MYO9B: variants seen among roughly 807,000 people sequenced by gnomAD.
The protein encoded by MYO9B is unconventional myosin-IXb.
Under a neutral mutation model 229.5 loss-of-function variants are expected in MYO9B, and 71 were observed. That is an observed-to-expected ratio of 0.31 (90% CI 0.26 to 0.38). MYO9B has a LOEUF of 0.38. Among genes scored for constraint, MYO9B ranks in the 10% least tolerant of loss-of-function variants. MYO9B has a pLI of 1.00. For synonymous variants in MYO9B, 1,185 were observed against 1,235.8 expected (o/e 0.96, Z 0.86); for missense variants, 2,255 against 2,920.5 (o/e 0.77, Z 5.25).
At chr19:17,144,986 AAAAAAG>A (rs1568272479) in intron 2 of MYO9B, among the ~76,000 whole-genome samples, 1 of 150,088 alleles carries the variant, frequency 6.7e-6, no homozygotes, top group Non-Finnish European at 1.5e-5. Flanking sequence ...AAAAAAAAAA[AAAAAAG>A]AAAAAGAAAA....
chr19:17,201,420 G>A (rs1310617998), intron 26 of MYO9B, among the ~76,000 whole-genome samples: 1 of 152,090 alleles, frequency 6.6e-6, no homozygotes, highest in African/African-American at 2.4e-5. Flanking sequence ...GGGGGCCGAT[G>A]GGGACACAGA....
intron 29 of MYO9B, 43 bp downstream of exon 29, chr19:17,202,926 T>G: frequency 6.3e-7 from 1 of 1,581,878 alleles, no homozygotes; most frequent in Non-Finnish European, 8.6e-7. Context: ...CAGGCGAACA[T>G]TGGCAGGAGC....
chr19:17,210,582 G>T (rs1354309284), intron 37 of MYO9B, 133 bp from the exon 38 acceptor site: 5 of 1,292,288 alleles, frequency 3.9e-6, no homozygotes, highest in Non-Finnish European at 5.2e-6. Context: ...TGTCCCATGG[G>T]ATTCCTAGAG....
chr19:17,100,374 G>A lies in MYO9B; in HGVS notation c.-58-1286G>A, dbSNP rs930282604. ...TATAGTCCCAGCTACTCAGGAGGCT[G>A]AGGCAGAAGAATTGCTTGAACCCAG... is the stretch of plus-strand genomic sequence containing the variant. On this transcript the variant is annotated intron_variant, in intron 1 of 39. Coordinates refer to ENST00000682292, the MANE Select transcript of MYO9B (RefSeq NM_004145.4). 2.0e-5 allele frequency among the ~76,000 whole-genome samples: 3 copies of A among 152,254 alleles called. No individual in the cohort carries two copies. The East Asian group carries it at 5.8e-4, about 29-fold the overall frequency.
chr19:17,159,377 T>C lies in MYO9B; in HGVS notation c.1330-18T>C. On this transcript the variant is annotated intron_variant, in intron 7 of 39. Transcript: ENST00000682292. ...TCCATCTCCCTTTTCCTTCTCCCTCTCCTTGACCTCCAAACAGGTGAAGCG... is the reference window on the plus strand; with the variant it reads ...TCCATCTCCCTTTTCCTTCTCCCTCCCCTTGACCTCCAAACAGGTGAAGCG... 6 of 1,587,806 alleles carry C rather than the reference T, an allele frequency of 3.8e-6. No individual in the cohort carries two copies. The highest frequency in any genetic ancestry group is 5.1e-6 in the Non-Finnish European group (6 of 1,166,192).
intron 3 of MYO9B, among the ~76,000 whole-genome samples, chr19:17,147,738 T>C (rs1480954022): frequency 1.6e-5 from 2 of 123,148 alleles, no homozygotes; most frequent in Non-Finnish European, 3.2e-5. Flanking sequence ...CAGGCTGGAG[T>C]ACAATGGCGT....
At chr19:17,205,182 C>A in intron 30 of MYO9B, 81 bp from the exon 31 acceptor site, 1 of 1,134,832 alleles carries the variant, frequency 8.8e-7, no homozygotes, top group Non-Finnish European at 1.3e-6. Flanking sequence ...CAATTGGCGG[C>A]CCCCGGCCAG....
At chr19:17,211,506 C>A in intron 38 of MYO9B, 141 bp from the exon 39 acceptor site, 2 of 814,082 alleles carry the variant, frequency 2.5e-6, no homozygotes, top group African/African-American at 1.8e-5. Flanking sequence ...AACTCCTGGG[C>A]TCAAGCAATC....
intron 1 of MYO9B, among the ~76,000 whole-genome samples, chr19:17,076,527 G>A (rs2057485884): frequency 6.6e-6 from 1 of 151,962 alleles, no homozygotes; most frequent in African/African-American, 2.4e-5. Flanking sequence ...GAGAAGGAAG[G>A]GGTTAGAGTG....
In MYO9B at chr19:17,159,454, C is replaced by T. The variant is rs771418288; in HGVS notation, c.1389C>T (p.Asp463=). 2.8e-5 allele frequency: 45 copies of T among 1,610,334 alleles called. No individual in the cohort carries two copies. The highest frequency in any genetic ancestry group is 1.1e-5 in the Non-Finnish European group (13 of 1,178,382). Reference sequence around the variant, plus strand: ...AAAGAAAAACGGTGACCGTCAACGACAAGCTTATCCTTCCCTACAGCCTCA... The same window carrying T: ...AAAGAAAAACGGTGACCGTCAACGATAAGCTTATCCTTCCCTACAGCCTCA... ...LTKRKTVTVN[D]KLILPYSLSE... Residue 463 remains aspartate, a synonymous_variant, in exon 8 of 40, where the codon GAC becomes GAT. Transcript: ENST00000682292.
chr19:17,195,146 G>A lies in MYO9B; in HGVS notation c.3719G>A (p.Ser1240Asn). ...GAAGAAACTGAGAAGACGCTGCCCAGTGGGAGCCCCAGGCCTGGCCAGTTG... is the reference window on the plus strand; with the variant it reads ...GAAGAAACTGAGAAGACGCTGCCCAATGGGAGCCCCAGGCCTGGCCAGTTG... ...VSEETEKTLP[S>N]GSPRPGQLER... is the part of the protein sequence containing the mutation. Residue 1240 changes from serine to asparagine, a missense_variant, in exon 22 of 40, where the codon AGT (serine) becomes AAT (asparagine). Physicochemically the swap from Ser to Asn is conservative, Grantham distance 46. Coordinates refer to ENST00000682292, the MANE Select transcript of MYO9B (RefSeq NM_004145.4). The surrounding 1 kb of genome is among the most constrained non-coding windows in gnomAD (Gnocchi z 4.5). The A allele has an allele frequency of 6.2e-7, 1 of 1,611,544 alleles. No homozygotes were observed. The highest frequency in any genetic ancestry group is 2.2e-5 in the East Asian group (1 of 44,820).
chr19:17,108,354 A>C (rs1455434691), intron 2 of MYO9B, among the ~76,000 whole-genome samples: 1 of 127,426 alleles, frequency 7.8e-6, no homozygotes, highest in African/African-American at 3.2e-5. Context: ...GATTGTCTTC[A>C]CTGAGAGCTG....
chr19:17,195,060 G>A lies in MYO9B; in HGVS notation c.3633G>A (p.Glu1211=), dbSNP rs375033218. Residue 1211 remains glutamate, a synonymous_variant, in exon 22 of 40, where the codon GAG becomes GAA. Transcript: ENST00000682292. This position sits in a 1 kb window ranked among gnomAD's most constrained non-coding sequence, Gnocchi z 4.5. ...TTCTAGTCGTAGAGACGGAGGCTGA[G>A]AACACATCTCAAAAGCAGCCCACAG... ...ETLLVVETEA[E]NTSQKQPTEQ... 1.9e-4 allele frequency: 310 copies of A among 1,612,912 alleles called. No homozygotes were observed. Among genetic ancestry groups the A allele is most frequent in the Non-Finnish European group, 2.4e-4 (288 of 1,179,884 alleles).
chr19:17,155,615 T>C (rs559469286), intron 6 of MYO9B, among the ~76,000 whole-genome samples: 1 of 151,940 alleles, frequency 6.6e-6, no homozygotes, highest in South Asian at 2.1e-4. Flanking sequence ...CCATCAATTT[T>C]TTTTTAAATT....
At chr19:17,110,358 TG>T (rs1296924641) in intron 2 of MYO9B, among the ~76,000 whole-genome samples, 1 of 152,192 alleles carries the variant, frequency 6.6e-6, no homozygotes, top group African/African-American at 2.4e-5. Flanking sequence ...ATCTTCCACA[TG>T]GCCTCTAGCC....
chr19:17,156,105 A>G (rs1282665241), intron 6 of MYO9B, among the ~76,000 whole-genome samples: 2 of 151,864 alleles, frequency 1.3e-5, no homozygotes, highest in Admixed American at 6.6e-5. Flanking sequence ...AGACACAAGT[A>G]CCATCCCATC....
chr19:17,084,802 G>A (rs973761314), intron 1 of MYO9B, among the ~76,000 whole-genome samples: 1 of 152,080 alleles, frequency 6.6e-6, no homozygotes, highest in African/African-American at 2.4e-5. Context: ...CTACTTGGGA[G>A]GCTGAGGCAA....
At chr19:17,205,890 G>A in intron 31 of MYO9B, 70 bp from the exon 32 acceptor site, 1 of 1,440,632 alleles carries the variant, frequency 6.9e-7, no homozygotes, top group Non-Finnish European at 9.2e-7. Context: ...CCAGGAGGCA[G>A]AGGCCCCCAG....
intron 1 of MYO9B, among the ~76,000 whole-genome samples, chr19:17,083,760 C>A (rs1055759172): frequency 1.3e-5 from 2 of 151,762 alleles, no homozygotes; most frequent in African/African-American, 4.8e-5. Flanking sequence ...TACCGATTCT[C>A]CTGCCTCAGC....
Sources: allele counts gnomAD v4.1 joint callset (sites outside exome capture counted in the v4.1 genomes callset), GRCh38; gene constraint gnomAD v4.1.1; non-coding constraint Gnocchi (gnomAD v3.1); transcripts MANE v1.5; gene names NCBI Gene and HGNC (gene_info 2026-07-23, HGNC 2026-07-21).